The following TNR variants were observed in gnomAD, a reference collection of about 807,000 sequenced individuals.
TNR encodes tenascin-R.
TNR carries 45 observed loss-of-function variants against 150.4 expected under a neutral mutation model. The ratio of observed to expected loss-of-function variants is 0.30; its 90% CI spans 0.24 to 0.38. TNR has a LOEUF of 0.38. Ranked by LOEUF, TNR falls within the 10% of genes least tolerant of loss-of-function variation. TNR has a pLI of 1.00. For missense variants in TNR, 1,544 were observed against 1,759.1 expected, an observed-to-expected ratio of 0.88 and a Z score of 2.19; for synonymous variants, 687 against 678.4, an observed-to-expected ratio of 1.01 and a Z score of -0.20.
intron 2 of TNR, among the ~76,000 whole-genome samples, chr1:175,472,577 C>T (rs1019228777): frequency 9.9e-5 from 15 of 152,186 alleles, no homozygotes; most frequent in South Asian, 2.1e-4. Flanking sequence ...ACAGCTACTA[C>T]GTCACTAGAG....
intron 1 of TNR, among the ~76,000 whole-genome samples, chr1:175,567,283 C>A (rs1237967103): frequency 1.3e-5 from 2 of 152,148 alleles, no homozygotes; most frequent in African/African-American, 4.8e-5. Context: ...TGGCCCATGT[C>A]GAGGCATTTC....
chr1:175,464,735 C>A (rs1273444216), intron 2 of TNR, among the ~76,000 whole-genome samples: 1 of 152,150 alleles, frequency 6.6e-6, no homozygotes, highest in East Asian at 1.9e-4. Flanking sequence ...TTAACAGTAG[C>A]CAGAAAATGC....
chr1:175,469,567 C>T (rs908660747), intron 2 of TNR, among the ~76,000 whole-genome samples: 1 of 151,792 alleles, frequency 6.6e-6, no homozygotes, highest in South Asian at 2.1e-4. Flanking sequence ...GGAAGAGACA[C>T]ATAAAAATGT....
chr1:175,695,015 T>A (rs1666470806), intron 1 of TNR, among the ~76,000 whole-genome samples: 1 of 152,188 alleles, frequency 6.6e-6, no homozygotes, highest in Non-Finnish European at 1.5e-5. Flanking sequence ...TTAAAATATG[T>A]CCATGAATTT....
At chr1:175,454,827 G>GC (rs1267532877) in intron 2 of TNR, among the ~76,000 whole-genome samples, 2 of 152,138 alleles carry the variant, frequency 1.3e-5, no homozygotes, top group East Asian at 3.8e-4. Context: ...ACTCTCTGAG[G>GC]CTTGGTTTCT....
intron 2 of TNR, among the ~76,000 whole-genome samples, chr1:175,418,245 T>C (rs1373984457): frequency 6.6e-6 from 1 of 152,056 alleles, no homozygotes; most frequent in Non-Finnish European, 1.5e-5. Context: ...AAGATATTCA[T>C]ATAACAAGCA....
At chr1:175,467,041 T>C (rs1038812195) in intron 2 of TNR, among the ~76,000 whole-genome samples, 2 of 152,148 alleles carry the variant, frequency 1.3e-5, no homozygotes, top group African/African-American at 4.8e-5. Context: ...AAATGATTAA[T>C]AGGCCTGGCA....
At chr1:175,702,029 G>A (rs1292827354) in intron 1 of TNR, among the ~76,000 whole-genome samples, 3 of 152,206 alleles carry the variant, frequency 2.0e-5, no homozygotes, top group Admixed American at 6.5e-5. Flanking sequence ...TTTACTGACA[G>A]ATTGATTAAA....
At chr1:175,417,011 A>AAAAG (rs61354589) in intron 2 of TNR, among the ~76,000 whole-genome samples, 2,680 of 90,714 alleles carry the variant, frequency 0.03, 165 homozygotes, top group Middle Eastern at 0.057. Flanking sequence ...CCATCTCAAA[A>AAAAG]AAAGAAAGAA....
At chr1:175,712,326 T>C (rs1667040008) in intron 1 of TNR, among the ~76,000 whole-genome samples, 1 of 152,126 alleles carries the variant, frequency 6.6e-6, no homozygotes, top group African/African-American at 2.4e-5. Flanking sequence ...CCATCAAATG[T>C]TCACTTTAGA....
intron 1 of TNR, among the ~76,000 whole-genome samples, chr1:175,671,778 G>A (rs1016040058): frequency 3.3e-5 from 5 of 152,082 alleles, no homozygotes; most frequent in African/African-American, 1.2e-4. Context: ...TTACCTCCAG[G>A]AACTGATCCT....
Position 175,430,777 on chromosome 1 carries a change from C to T in TNR, c.-63-24000G>A, listed in dbSNP as rs1436840767. Among the ~76,000 whole-genome samples, 3 of 152,302 alleles carry T rather than the reference C, an allele frequency of 2.0e-5. No homozygotes were observed. In the East Asian group the frequency reaches 5.8e-4, roughly 29 times the overall value. On this transcript the variant is annotated intron_variant, in intron 2 of 22. Coordinates refer to ENST00000367674, the MANE Select transcript of TNR (RefSeq NM_003285.3). ...AAGTTTCTTCTCTGCTTTCCTCTCA[C>T]TGTCTTTAGATAAAACTTGTTTTGA...
At chr1:175,702,201 C>G (rs982120664) in intron 1 of TNR, among the ~76,000 whole-genome samples, 2 of 152,254 alleles carry the variant, frequency 1.3e-5, no homozygotes, top group Admixed American at 1.3e-4. Context: ...CACTGGGACC[C>G]CGCTCTGCAA....
At chr1:175,356,253 C>G in intron 16 of TNR, 66 bp downstream of exon 16, 1 of 1,595,584 alleles carries the variant, frequency 6.3e-7, no homozygotes. Context: ...TAGTCCACCA[C>G]AAGAAAGCTG....
chr1:175,429,432 T>C (rs964621354), intron 2 of TNR, among the ~76,000 whole-genome samples: 1 of 152,234 alleles, frequency 6.6e-6, no homozygotes. Flanking sequence ...ATAGTTGCTC[T>C]CTTGTTTCAG....
chr1:175,732,958 T>A (rs1427405612), intron 1 of TNR, among the ~76,000 whole-genome samples: 1 of 152,220 alleles, frequency 6.6e-6, no homozygotes, highest in African/African-American at 2.4e-5. Flanking sequence ...TGGGACCCAG[T>A]TGGTGATTTC....
In TNR at chr1:175,367,052, A is replaced by T. The variant is rs74569224; in HGVS notation, c.2053+156T>A. Among the ~76,000 whole-genome samples the T allele has an allele frequency of 9.2e-5, 14 of 152,306 alleles. 1 individual carries two copies. The East Asian group carries it at 2.5e-3, about 27-fold the overall frequency. ...GCCTGTCAGAGATCAAGGATTAGGCATAGGGTGGATGTTGTTTCTAGGCTG... is the reference window on the plus strand; with the variant it reads ...GCCTGTCAGAGATCAAGGATTAGGCTTAGGGTGGATGTTGTTTCTAGGCTG... On this transcript the variant is annotated intron_variant, in intron 10 of 22. Coordinates refer to ENST00000367674, the MANE Select transcript of TNR (RefSeq NM_003285.3).
chr1:175,383,815 G>C (rs1275794885), intron 8 of TNR, among the ~76,000 whole-genome samples: 1 of 152,170 alleles, frequency 6.6e-6, no homozygotes, highest in Admixed American at 6.5e-5. Context: ...TCTGTCTGCA[G>C]TGCTGTTTGC....
intron 1 of TNR, among the ~76,000 whole-genome samples, chr1:175,593,022 A>AGAAAGC (rs1266731117): frequency 1.3e-5 from 2 of 152,296 alleles, no homozygotes; most frequent in East Asian, 3.9e-4. Context: ...CATGGGAGGA[A>AGAAAGC]GAAAGCATTT....
Sources: gnomAD v4.1 joint callset for allele counts (sites outside exome capture counted in the v4.1 genomes callset) on GRCh38, gnomAD v4.1.1 for gene constraint, MANE v1.5 for transcripts, NCBI Gene and HGNC (gene_info 2026-07-23, HGNC 2026-07-21) for gene names.